The following PAN2 variants were observed in gnomAD, a reference collection of about 807,000 sequenced individuals.
PAN2 encodes the protein PAN2-PAN3 deadenylation complex catalytic subunit PAN2.
Under a neutral mutation model 133.3 loss-of-function variants are expected in PAN2, and 68 were observed. The ratio of observed to expected loss-of-function variants is 0.51; its 90% CI spans 0.42 to 0.62. The LOEUF (loss-of-function observed/expected upper bound fraction) is 0.62. PAN2 is among the 20% of genes least tolerant of loss of function. The pLI is 0.00. For missense variants in PAN2, 1,042 were observed against 1,500.5 expected (o/e 0.69, Z 5.05); for synonymous variants, 462 against 544.6 (o/e 0.85, Z 2.11).
intron 5 of PAN2, 87 bp from the exon 6 acceptor site, chr12:56,327,718 AG>A (rs1436663267): frequency 1.4e-6 from 2 of 1,459,842 alleles, no homozygotes; most frequent in Non-Finnish European, 1.9e-6. Context: ...TCCCTACCAA[AG>A]GAACTAGGGC....
chr12:56,326,899 T>A lies in PAN2; in HGVS notation c.980A>T (p.Asn327Ile). 1 of 1,614,166 alleles carries A rather than the reference T, an allele frequency of 6.2e-7. No homozygotes were observed. The highest frequency in any genetic ancestry group is 8.5e-7 in the Non-Finnish European group (1 of 1,180,034). ...TGTCATTAGCAGAGGCCCCACAGGA[T>A]TCACATGAAAGATATCGGCTGGGTT... ...LANPADIFHVNPVGPLLMTFD... is the reference protein window; with the variant it reads ...LANPADIFHVIPVGPLLMTFD... Residue 327 changes from asparagine (N) to isoleucine (I), a missense_variant, in exon 7 of 26, where the codon AAT becomes ATT. Asn to Ile is a moderately radical substitution (Grantham distance 149, BLOSUM62 -3). Around this residue, in one of 3 missense-constraint regions of PAN2, gnomAD observed 908 missense variants for 1,223.5 expected, o/e 0.74. Coordinates refer to ENST00000440411, the MANE Select transcript of PAN2 (RefSeq NM_014871.6).
In PAN2 at chr12:56,327,350, T is replaced by C. The variant is rs376238401; in HGVS notation, c.919+14A>G. 4 of 1,613,670 alleles carry C rather than the reference T, an allele frequency of 2.5e-6. No individual in the cohort carries two copies. Among genetic ancestry groups the C allele is most frequent in the Non-Finnish European group, 3.4e-6 (4 of 1,179,604 alleles). On this transcript the variant is annotated intron_variant, in intron 6 of 25. Transcript: ENST00000440411. Reference sequence around the variant, plus strand: ...CATCGATCCCTCCTACCCAATCCCATATGCCCTTCATACCTGACTGAGAGA... The same window carrying C: ...CATCGATCCCTCCTACCCAATCCCACATGCCCTTCATACCTGACTGAGAGA...
chr12:56,323,506 C>T lies in PAN2; in HGVS notation c.2265G>A (p.Gln755=). 4 of 1,614,014 alleles carry T rather than the reference C, an allele frequency of 2.5e-6. No homozygotes were observed. Among genetic ancestry groups the T allele is most frequent in the Non-Finnish European group, 3.4e-6 (4 of 1,179,874 alleles). The change falls in exon 15 of 26, where the codon CAG becomes CAA. Residue 755 remains glutamine (Q), a synonymous_variant. Coordinates refer to ENST00000440411, the MANE Select transcript of PAN2 (RefSeq NM_014871.6). ...TTCTAGTCTGAGTCCTTACCTCAGC[C>T]TGCATTCTCCAGAAATCAGCCTCTT... ...SSKEADFWRM[Q]AEVAFKMAVK... is the part of the protein sequence containing the mutation.
At chr12:56,326,261 G>A in intron 8 of PAN2, 52 bp downstream of exon 8, 1 of 1,476,214 alleles carries the variant, frequency 6.8e-7, no homozygotes, top group Admixed American at 2.2e-5. Flanking sequence ...GAAAAAGATA[G>A]GAGAAACTTC....
intron 6 of PAN2, 98 bp downstream of exon 6, chr12:56,327,266 T>C: frequency 6.7e-6 from 9 of 1,347,768 alleles, no homozygotes; most frequent in Non-Finnish European, 9.4e-6. Context: ...AGGTTACTTC[T>C]TTCCCCAACA....
Position 56,327,544 on chromosome 12 carries a change from T to C in PAN2, c.739A>G (p.Asn247Asp). The change falls in exon 6 of 26, where the codon AAC becomes GAC. Residue 247 changes from asparagine (N) to aspartate (D), a missense_variant. Asn to Asp is a conservative substitution (Grantham distance 23). Around this residue, in one of 3 missense-constraint regions of PAN2, gnomAD observed 908 missense variants for 1,223.5 expected, o/e 0.74. Coordinates refer to ENST00000440411, the MANE Select transcript of PAN2 (RefSeq NM_014871.6). ...GAGAAGCCACAGGCAGCTAGCAGGT[T>C]GCCATGCACATCAAAGTCTGACAGA... ...GSLSDFDVHG[N>D]LLAACGFSSR... The C allele has an allele frequency of 6.2e-7, 1 of 1,614,234 alleles. No homozygotes were observed. Among genetic ancestry groups the C allele is most frequent in the Non-Finnish European group, 8.5e-7 (1 of 1,180,050 alleles).
intron 14 of PAN2, 60 bp from the exon 15 acceptor site, chr12:56,323,658 G>T: frequency 1.3e-6 from 2 of 1,526,004 alleles, no homozygotes; most frequent in South Asian, 1.1e-5. Context: ...AGTCTGGACA[G>T]GGACCTGGGT....
chr12:56,328,617 G>A lies in PAN2; in HGVS notation c.307C>T (p.Pro103Ser). 1 of 1,613,876 alleles carries A rather than the reference G, an allele frequency of 6.2e-7. No homozygotes were observed. Among genetic ancestry groups the A allele is most frequent in the Non-Finnish European group, 8.5e-7 (1 of 1,179,918 alleles). The change falls in exon 3 of 26, where the codon CCA becomes TCA. Residue 103 changes from proline to serine, a missense_variant. Pro to Ser is a moderately conservative substitution (Grantham distance 74). Transcript: ENST00000440411. The stretch of plus-strand genomic sequence containing the variant: ...AAGGATGAGTAGCGCTCCAAGGCTG[G>A]GCCAAAAAATGAAGTGGCATGGCCC... ...HGGHATSFFG[P>S]ALERYSSFQV...
rs2135950880 is a variant in PAN2 at position 56,319,562 on chromosome 12, C to T, written c.3090+59G>A. ...TTCCCCTATCACTCTTCCCTGGGTT[C>T]TTGAGCACTGTAAGTAAGCACCAGG... On this transcript the variant is annotated intron_variant, in intron 22 of 25. Coordinates refer to ENST00000440411, the MANE Select transcript of PAN2 (RefSeq NM_014871.6). The surrounding 1 kb of genome is among the most constrained non-coding windows in gnomAD (Gnocchi z 5.4). The T allele has an allele frequency of 6.9e-6, 11 of 1,588,832 alleles. No individual in the cohort carries two copies. Among genetic ancestry groups the T allele is most frequent in the Non-Finnish European group, 7.7e-6 (9 of 1,167,144 alleles).
chr12:56,322,147 T>A lies in PAN2; in HGVS notation c.2719A>T (p.Met907Leu). The part of the protein sequence containing the change: ...IDKHEAVQFD[M>L]NWKVPAILYY... ...AGGATTGCAGGTACTTTCCAATTCA[T>A]GTCAAACTGCACAGCTTCATGCTAT... The change falls in exon 20 of 26, where the codon ATG (methionine) becomes TTG (leucine). Residue 907 changes from methionine (M) to leucine (L), a missense_variant. Around this residue, in one of 3 missense-constraint regions of PAN2, gnomAD observed 908 missense variants for 1,223.5 expected, o/e 0.74. Transcript: ENST00000440411. The A allele has an allele frequency of 6.2e-7, 1 of 1,606,084 alleles. No homozygotes were observed. Among genetic ancestry groups the A allele is most frequent in the Non-Finnish European group, 8.5e-7 (1 of 1,172,692 alleles).
At position 56,331,715 on chromosome 12, in the gene PAN2, G is replaced by GT. The variant is rs1395115672; in HGVS notation, c.282+1097dup. Among the ~76,000 whole-genome samples the GT allele has an allele frequency of 8.2e-3, 961 of 117,344 alleles. 9 individuals are homozygous for GT. Among genetic ancestry groups the GT allele is most frequent in the Non-Finnish European group, 9.9e-3 (520 of 52,676 alleles). The allele number at this position is 117,344 out of a possible 152,430, so 77.0% of individuals were successfully genotyped here. A position where few individuals can be genotyped will look rare whatever the true frequency, so the allele number is the denominator to read the frequency against. On this transcript the variant is annotated intron_variant, in intron 2 of 25. Transcript: ENST00000440411. ...GAAGGACAGCGTTTTTTTTTTTTTT[G>GT]TTTTTTGTTTTTTTTTGAGACGGAG...
intron 25 of PAN2, 104 bp downstream of exon 25, chr12:56,318,133 C>A: frequency 1.1e-6 from 1 of 930,744 alleles, no homozygotes. Flanking sequence ...GCTGTAATCA[C>A]GCTACTGCAC....
Position 56,317,619 on chromosome 12 carries a change from A to G in PAN2, c.3587T>C (p.Leu1196Pro), listed in dbSNP as rs779392860. ...CTTTGGGAAGGGTAGTCAGAGCGCC[A>G]GCACTGAGGAGAAGACAGCTGCATC... is the stretch of plus-strand genomic sequence containing the variant. ...PKNAAVFSSV[L>P]AL The change falls in exon 26 of 26, where the codon CTG becomes CCG. Residue 1196 changes from leucine (L) to proline (P), a missense_variant. Leu to Pro is a moderately conservative substitution (Grantham distance 98, BLOSUM62 -3). Coordinates refer to ENST00000440411, the MANE Select transcript of PAN2 (RefSeq NM_014871.6). 1 of 1,613,530 alleles carries G rather than the reference A, an allele frequency of 6.2e-7. No homozygotes were observed. The highest frequency in any genetic ancestry group is 2.2e-5 in the East Asian group (1 of 44,880).
chr12:56,333,427 C>T, intron 1 of PAN2: 1 of 332,148 alleles, frequency 3.0e-6, no homozygotes, highest in South Asian at 4.4e-5. Context: ...CTCTCCACCA[C>T]CCCATTATCT....
rs772131241 is a variant in PAN2, at chr12:56,326,299, C to T, written c.1359+14G>A. 4.5e-6 allele frequency: 7 copies of T among 1,572,626 alleles called. No individual in the cohort carries two copies. Among genetic ancestry groups the T allele is most frequent in the African/African-American group, 1.3e-5 (1 of 74,338 alleles). On this transcript the variant is annotated intron_variant, in intron 8 of 25. Transcript: ENST00000440411. ...TGGGCCGGGGTCGGGGCTGACCCTC[C>T]ACTCTGAACACACCTGATTGCGCAG...
chr12:56,323,347 T>G lies in PAN2; in HGVS notation c.2309A>C (p.Glu770Ala), dbSNP rs1874771065. 1 of 1,613,730 alleles carries G rather than the reference T, an allele frequency of 6.2e-7. No homozygotes were observed. The highest frequency in any genetic ancestry group is 1.7e-5 in the Admixed American group (1 of 59,872). ...FKMAVKKHGG[E>A]ISKNKEFALA... Reference sequence around the variant, plus strand: ...AGCAAATTCCTTGTTCTTGGAGATTTCCCCACCGTGTTTCTTTACTGCCAT... The same window carrying G: ...AGCAAATTCCTTGTTCTTGGAGATTGCCCCACCGTGTTTCTTTACTGCCAT... Residue 770 changes from glutamate (E) to alanine (A), a missense_variant, in exon 16 of 26, where the codon GAA (glutamate) becomes GCA (alanine). Glu to Ala is a moderately radical substitution (Grantham distance 107, BLOSUM62 -1). Coordinates refer to ENST00000440411, the MANE Select transcript of PAN2 (RefSeq NM_014871.6).
chr12:56,328,675 G>A (rs1164454140), intron 2 of PAN2, 34 bp from the exon 3 acceptor site: 1 of 1,596,492 alleles, frequency 6.3e-7, no homozygotes, highest in African/African-American at 1.3e-5. Context: ...GACACTTAGA[G>A]TGGAGGGGCA....
At chr12:56,329,769 C>T (rs952798445) in intron 2 of PAN2, among the ~76,000 whole-genome samples, 6 of 151,462 alleles carry the variant, frequency 4.0e-5, no homozygotes, top group East Asian at 2.0e-4. Flanking sequence ...CATGGTGAAA[C>T]GTCATCTCTA....
At chr12:56,323,971 C>T in intron 13 of PAN2, 58 bp from the exon 14 acceptor site, 1 of 1,608,740 alleles carries the variant, frequency 6.2e-7, no homozygotes, top group Non-Finnish European at 8.5e-7. Flanking sequence ...AGTTAGTCCC[C>T]AACACCCTCT....
Sources: allele counts gnomAD v4.1 joint callset (sites outside exome capture counted in the v4.1 genomes callset), GRCh38; gene constraint gnomAD v4.1.1; regional missense constraint gnomAD v4.1.1; non-coding constraint Gnocchi (gnomAD v3.1); transcripts MANE v1.5; gene names NCBI Gene and HGNC (gene_info 2026-07-23, HGNC 2026-07-21).